Variants in GSE1 observed in about 807,000 individuals in gnomAD.
GSE1 encodes the protein Gse1 coiled-coil protein.
Under a neutral mutation model 112.6 loss-of-function variants are expected in GSE1, and 32 were observed. The ratio of observed to expected loss-of-function variants is 0.28; its 90% CI spans 0.21 to 0.38. GSE1 has a LOEUF of 0.38. Among genes scored for constraint, GSE1 ranks in the 10% least tolerant of loss-of-function variants. The pLI is 1.00. For synonymous variants in GSE1, 1,115 were observed against 735.6 expected, an observed-to-expected ratio of 1.52 and a Z score of -8.35; for missense variants, 2,348 against 1,699.2, an observed-to-expected ratio of 1.38 and a Z score of -6.71.
intron 1 of GSE1, among the ~76,000 whole-genome samples, chr16:85,556,730 C>T (rs898003529): frequency 6.7e-6 from 1 of 149,648 alleles, no homozygotes; most frequent in African/African-American, 2.5e-5. Context: ...TCCTGCAGGC[C>T]GCCCCGATCG....
intron 2 of GSE1, among the ~76,000 whole-genome samples, chr16:85,401,740 C>T (rs770078573): frequency 2.7e-4 from 41 of 152,210 alleles, no homozygotes; most frequent in African/African-American, 9.6e-5. Context: ...CAGCACTGCA[C>T]GCCGGTTACT....
At chr16:85,277,321 T>A (rs532447297) in intron 1 of GSE1, among the ~76,000 whole-genome samples, 1 of 151,992 alleles carries the variant, frequency 6.6e-6, no homozygotes, top group South Asian at 2.1e-4. Flanking sequence ...AGAGTTGGGG[T>A]GCCTTGGAGC....
At chr16:85,470,116 A>G (rs772924533) in intron 2 of GSE1, among the ~76,000 whole-genome samples, 1 of 152,218 alleles carries the variant, frequency 6.6e-6, no homozygotes. Context: ...GCCCCCATCC[A>G]TGTTCCGCTT....
chr16:85,424,719 A>T (rs1240559753), intron 2 of GSE1, among the ~76,000 whole-genome samples: 1 of 152,222 alleles, frequency 6.6e-6, no homozygotes, highest in Non-Finnish European at 1.5e-5. Flanking sequence ...CAGCACTGAC[A>T]GGCGCGAGGG....
At chr16:85,265,948 C>T (rs1332638831) in intron 1 of GSE1, among the ~76,000 whole-genome samples, 3 of 152,144 alleles carry the variant, frequency 2.0e-5, no homozygotes, top group African/African-American at 7.2e-5. Context: ...CCTGGTTCTG[C>T]CCGAGAATGT....
intron 1 of GSE1, among the ~76,000 whole-genome samples, chr16:85,589,992 ATG>A (rs1189735070): frequency 1.3e-5 from 2 of 151,964 alleles, no homozygotes; most frequent in East Asian, 1.9e-4. Flanking sequence ...GCATGTGTGA[ATG>A]TGAGACTGTG....
chr16:85,249,907 T>C (rs907095494), intron 1 of GSE1, among the ~76,000 whole-genome samples: 2 of 152,244 alleles, frequency 1.3e-5, no homozygotes, highest in African/African-American at 4.8e-5. Context: ...AAGCTGGTGA[T>C]GCGGCAGGGC....
At chr16:85,631,753 G>GT (rs996411769) in intron 1 of GSE1, among the ~76,000 whole-genome samples, 112 of 152,372 alleles carry the variant, frequency 7.4e-4, no homozygotes, top group African/African-American at 2.3e-3. Context: ...CTGTTACCCC[G>GT]TTTGGTAGAT....
At chr16:85,652,563 CGG>C (rs1567724166) in intron 3 of GSE1, among the ~76,000 whole-genome samples, 182 of 152,262 alleles carry the variant, frequency 1.2e-3, no homozygotes, top group African/African-American at 4.3e-3. Context: ...GCGGCGGCGG[CGG>C]CTCCTCCAGT....
intron 1 of GSE1, among the ~76,000 whole-genome samples, chr16:85,566,396 C>A (rs1369507993): frequency 6.6e-6 from 1 of 152,220 alleles, no homozygotes; most frequent in Non-Finnish European, 1.5e-5. Flanking sequence ...AAAGAAGAAA[C>A]GGAATCGTCC....
chr16:85,382,180 G>A (rs994731727), intron 2 of GSE1, among the ~76,000 whole-genome samples: 2 of 152,186 alleles, frequency 1.3e-5, no homozygotes, highest in Non-Finnish European at 2.9e-5. Flanking sequence ...GCTGGGGCCC[G>A]GGGCTCGCTC....
At chr16:85,665,297 G>T (rs1433874001) in intron 12 of GSE1, among the ~76,000 whole-genome samples, 169 bp downstream of exon 12, 3 of 152,168 alleles carry the variant, frequency 2.0e-5, no homozygotes, top group Non-Finnish European at 4.4e-5. Flanking sequence ...GACAGTCATT[G>T]GGACGGAACG....
At chr16:85,668,880 G>T (rs1248898611) in intron 14 of GSE1, among the ~76,000 whole-genome samples, 1 of 152,158 alleles carries the variant, frequency 6.6e-6, no homozygotes, top group Non-Finnish European at 1.5e-5. Context: ...CATGTTTTCA[G>T]CTGCCTTTAC....
chr16:85,356,578 AC>A (rs1044907720), intron 1 of GSE1, among the ~76,000 whole-genome samples: 2 of 152,248 alleles, frequency 1.3e-5, no homozygotes, highest in African/African-American at 4.8e-5. Context: ...CGTGCACCAA[AC>A]CAGGTGCCGC....
intron 1 of GSE1, among the ~76,000 whole-genome samples, chr16:85,262,555 A>G (rs1907811835): frequency 6.6e-6 from 1 of 152,194 alleles, no homozygotes; most frequent in South Asian, 2.1e-4. Context: ...AACGGTTTCC[A>G]TTTTGGCCAT....
At chr16:85,349,900 T>G (rs1421970992) in intron 1 of GSE1, among the ~76,000 whole-genome samples, 4 of 152,202 alleles carry the variant, frequency 2.6e-5, no homozygotes, top group South Asian at 2.1e-4. Flanking sequence ...GTACGGCCGC[T>G]AGGCGTGGGG....
chr16:85,430,018 A>T (rs938319006), intron 2 of GSE1, among the ~76,000 whole-genome samples: 2 of 152,204 alleles, frequency 1.3e-5, no homozygotes, highest in African/African-American at 4.8e-5. Flanking sequence ...AGGTCAGGGA[A>T]TTTCATTCAT....
chr16:85,416,859 GTTTT>G (rs57364128), intron 2 of GSE1, among the ~76,000 whole-genome samples: 92 of 152,070 alleles, frequency 6.0e-4, no homozygotes, highest in African/African-American at 1.7e-3. Flanking sequence ...TTGTTTGTTT[GTTTT>G]TTTGTTTTTT....
chr16:85,551,573 A>G (rs1256575647), upstream of GSE1, among the ~76,000 whole-genome samples: 1 of 152,234 alleles, frequency 6.6e-6, no homozygotes, highest in Non-Finnish European at 1.5e-5. Context: ...ACGGCGGGGC[A>G]CGGTGGGGTT....
Sources: allele counts gnomAD v4.1 joint callset (sites outside exome capture counted in the v4.1 genomes callset), GRCh38; gene constraint gnomAD v4.1.1; transcripts MANE v1.5; gene names NCBI Gene and HGNC (gene_info 2026-07-23, HGNC 2026-07-21).